The following ITPR2 variants were observed in gnomAD, a reference collection of about 807,000 sequenced individuals.
ITPR2 encodes the protein inositol 1,4,5-trisphosphate receptor type 2, also known as inositol 1,4,5-trisphosphate-gated calcium channel ITPR2.
Under a neutral mutation model 317.1 loss-of-function variants are expected in ITPR2, and 207 were observed. The observed-to-expected ratio is 0.65, with a 90% CI of 0.58 to 0.73. ITPR2 has a LOEUF of 0.73. Ranked by LOEUF, ITPR2 falls within the 30% of genes least tolerant of loss-of-function variation. The pLI, the probability that ITPR2 is intolerant of heterozygous loss-of-function variation, is 0.00. For missense variants in ITPR2, 2,613 were observed against 3,284.0 expected, an observed-to-expected ratio of 0.80 and a Z score of 4.99; for synonymous variants, 1,156 against 1,149.1, an observed-to-expected ratio of 1.01 and a Z score of -0.12.
At chr12:26,605,087 CA>C (rs201682839) in intron 26 of ITPR2, among the ~76,000 whole-genome samples, 19,016 of 66,632 alleles carry the variant, frequency 0.29, 1,920 homozygotes, top group East Asian at 0.58. Flanking sequence ...GACTCAGTCT[CA>C]AAAAAAAAAA....
At chr12:26,712,634 T>TACAA (rs1948667003) in intron 8 of ITPR2, among the ~76,000 whole-genome samples, 1 of 148,928 alleles carries the variant, frequency 6.7e-6, no homozygotes, top group Non-Finnish European at 1.5e-5. Flanking sequence ...TTGTCTCAAA[T>TACAA]ACACACACAC....
intron 1 of ITPR2, among the ~76,000 whole-genome samples, chr12:26,821,293 A>G (rs1950934252): frequency 6.6e-6 from 1 of 152,210 alleles, no homozygotes; most frequent in African/African-American, 2.4e-5. Flanking sequence ...CCCTGCTCAC[A>G]GTGATTTCCC....
At chr12:26,568,134 G>A (rs934905291) in intron 34 of ITPR2, among the ~76,000 whole-genome samples, 1 of 149,990 alleles carries the variant, frequency 6.7e-6, no homozygotes, top group African/African-American at 2.5e-5. Flanking sequence ...ACTACAGTTA[G>A]CCATTCTTCT....
chr12:26,830,539 G>A (rs1364745634), intron 1 of ITPR2, among the ~76,000 whole-genome samples: 1 of 152,190 alleles, frequency 6.6e-6, no homozygotes, highest in East Asian at 1.9e-4. Flanking sequence ...TCTGTTTCCT[G>A]GGTTAGTCAC....
At chr12:26,777,874 TG>T (rs1272584020) in intron 2 of ITPR2, among the ~76,000 whole-genome samples, 1 of 152,134 alleles carries the variant, frequency 6.6e-6, no homozygotes, top group Non-Finnish European at 1.5e-5. Flanking sequence ...GCCTTTTACC[TG>T]GGTAACTGTG....
chr12:26,340,997 T>C (rs567907846), intron 55 of ITPR2, among the ~76,000 whole-genome samples: 2 of 152,328 alleles, frequency 1.3e-5, no homozygotes, highest in African/African-American at 4.8e-5. Flanking sequence ...GTGTTTTGTG[T>C]GTGTGTGTGT....
At chr12:26,389,129 C>A (rs1340387358) in intron 54 of ITPR2, among the ~76,000 whole-genome samples, 2 of 152,092 alleles carry the variant, frequency 1.3e-5, no homozygotes, top group East Asian at 1.9e-4. Context: ...GACTCCCAGG[C>A]CCCCCTGTTT....
chr12:26,495,367 G>C, intron 37 of ITPR2, 107 bp from the exon 38 acceptor site: 1 of 584,536 alleles, frequency 1.7e-6, no homozygotes, highest in African/African-American at 1.9e-5. Context: ...GTTGAGGCAT[G>C]GAAAAATTAA....
intron 2 of ITPR2, among the ~76,000 whole-genome samples, chr12:26,768,511 G>C (rs998058376): frequency 7.1e-5 from 8 of 112,422 alleles, no homozygotes; most frequent in African/African-American, 3.0e-4. Context: ...TTGAAATTCA[G>C]ATCTAAAGGT....
intron 2 of ITPR2, among the ~76,000 whole-genome samples, chr12:26,726,391 C>G (rs1224236190): frequency 1.3e-5 from 2 of 152,112 alleles, no homozygotes; most frequent in African/African-American, 4.8e-5. Flanking sequence ...TGTGATATCT[C>G]TAAGTCAAGA....
chr12:26,596,289 T>C (rs948568475), intron 31 of ITPR2, among the ~76,000 whole-genome samples: 2 of 152,250 alleles, frequency 1.3e-5, no homozygotes, highest in Non-Finnish European at 2.9e-5. Context: ...CATATGGCCA[T>C]GTTTAGAATT....
chr12:26,352,736 C>T (rs1166126700), intron 55 of ITPR2, among the ~76,000 whole-genome samples: 1 of 152,202 alleles, frequency 6.6e-6, no homozygotes, highest in East Asian at 1.9e-4. Context: ...AGTTGGTTAG[C>T]ATGATTAATG....
At chr12:26,828,740 A>C (rs888689571) in intron 1 of ITPR2, among the ~76,000 whole-genome samples, 17 of 152,232 alleles carry the variant, frequency 1.1e-4, no homozygotes, top group African/African-American at 4.1e-4. Context: ...AATCGATGAG[A>C]TGAGTGCAAA....
intron 55 of ITPR2, among the ~76,000 whole-genome samples, chr12:26,359,362 A>G (rs1393823539): frequency 6.6e-6 from 1 of 152,196 alleles, no homozygotes; most frequent in Admixed American, 6.5e-5. Context: ...CATCCAAATG[A>G]GAGGATGCTC....
chr12:26,534,666 A>T (rs190959688), intron 37 of ITPR2, among the ~76,000 whole-genome samples: 1 of 152,340 alleles, frequency 6.6e-6, no homozygotes, highest in African/African-American at 2.4e-5. Context: ...GTAAATTTTT[A>T]AAAAAGATGT....
At position 26,752,532 on chromosome 12, in the gene ITPR2, T is replaced by A. The variant is rs1283513147; in HGVS notation, c.164-26767A>T. On this transcript the variant is annotated intron_variant, in intron 2 of 56. Coordinates refer to ENST00000381340, the MANE Select transcript of ITPR2 (RefSeq NM_002223.4). ...GTAGTTTACAAATGCCATGGCAACG[T>A]CAGGAATTACCCTATATGGTCTAAA... is the stretch of plus-strand genomic sequence containing the variant. Among the ~76,000 whole-genome samples, 3 of 152,208 alleles carry A rather than the reference T, an allele frequency of 2.0e-5. No homozygotes were observed. In the East Asian group the frequency reaches 5.8e-4, roughly 29 times the overall value.
chr12:26,731,518 C>A (rs1949028192), intron 2 of ITPR2, among the ~76,000 whole-genome samples: 1 of 152,200 alleles, frequency 6.6e-6, no homozygotes, highest in Non-Finnish European at 1.5e-5. Flanking sequence ...GAATTCAGGT[C>A]AGACACAGTG....
At chr12:26,395,597 A>G (rs1939973725) in intron 54 of ITPR2, among the ~76,000 whole-genome samples, 1 of 151,648 alleles carries the variant, frequency 6.6e-6, no homozygotes, top group Admixed American at 6.6e-5. Context: ...ACCGTGAAAA[A>G]AAGGGCATGG....
chr12:26,831,898 A>ATCAT lies in ITPR2; in HGVS notation c.92+791_92+792insATGA. Among the ~76,000 whole-genome samples, 1 of 135,654 alleles carries ATCAT rather than the reference A, an allele frequency of 7.4e-6. No individual in the cohort carries two copies. The allele number at this position is 135,654 out of a possible 152,430, so 89.0% of individuals were successfully genotyped here. The stretch of plus-strand genomic sequence containing the variant: ...TTAATATATATTTCCCTCATTCATA[A>ATCAT]ACATATATACATATATGTGTATATA... On this transcript the variant is annotated intron_variant, in intron 1 of 56. Transcript: ENST00000381340. This position sits in a 1 kb window ranked among gnomAD's most constrained non-coding sequence, Gnocchi z 4.9.
Sources: gnomAD v4.1 joint callset for allele counts (sites outside exome capture counted in the v4.1 genomes callset) on GRCh38, gnomAD v4.1.1 for gene constraint, Gnocchi (gnomAD v3.1) non-coding constraint, MANE v1.5 for transcripts, NCBI Gene and HGNC (gene_info 2026-07-23, HGNC 2026-07-21) for gene names.